The following CHCHD6 variants were observed in gnomAD, a reference collection of about 807,000 sequenced individuals.
The protein encoded by CHCHD6 is MICOS complex subunit MIC25.
A neutral mutation model predicts 32.3 loss-of-function variants in CHCHD6; 28 were observed. The ratio of observed to expected loss-of-function variants is 0.87; its 90% confidence interval spans 0.64 to 1.19. The LOEUF (loss-of-function observed/expected upper bound fraction) is 1.19. Ranked by LOEUF, CHCHD6 falls within the 50% of genes most tolerant of loss-of-function variation. The pLI is 0.00. For missense variants in CHCHD6, 333 were observed against 307.0 expected (o/e 1.08, Z -0.63); for synonymous variants, 122 against 117.5 (o/e 1.04, Z -0.25).
At chr3:126,851,794 G>T (rs1057279388) in intron 4 of CHCHD6, among the ~76,000 whole-genome samples, 1 of 152,218 alleles carries the variant, frequency 6.6e-6, no homozygotes, top group African/African-American at 2.4e-5. Flanking sequence ...GCCCACTTCT[G>T]TTGGGGTTTC....
At chr3:126,737,049 G>C (rs574645580) in intron 4 of CHCHD6, among the ~76,000 whole-genome samples, 2 of 152,010 alleles carry the variant, frequency 1.3e-5, no homozygotes, top group African/African-American at 4.8e-5. Context: ...GGCTGGGCGC[G>C]GTGGCTCACA....
chr3:126,903,928 A>G (rs1433075519), intron 5 of CHCHD6, among the ~76,000 whole-genome samples: 2 of 152,088 alleles, frequency 1.3e-5, no homozygotes, highest in African/African-American at 4.8e-5. Flanking sequence ...AGGGGATCCC[A>G]TCCTGGTCTG....
chr3:126,875,322 G>A (rs1461659917), intron 5 of CHCHD6, among the ~76,000 whole-genome samples: 3 of 152,244 alleles, frequency 2.0e-5, no homozygotes, highest in Non-Finnish European at 4.4e-5. Context: ...GCCACCACAG[G>A]CTATGCCAGG....
intron 4 of CHCHD6, among the ~76,000 whole-genome samples, chr3:126,755,324 C>T (rs1033050559): frequency 6.6e-6 from 1 of 152,270 alleles, no homozygotes; most frequent in African/African-American, 2.4e-5. Flanking sequence ...TAGGGCAGCC[C>T]AAGGCCCAGG....
chr3:126,759,510 T>G (rs1484451765), intron 4 of CHCHD6, among the ~76,000 whole-genome samples: 1 of 152,338 alleles, frequency 6.6e-6, no homozygotes, highest in South Asian at 2.1e-4. Flanking sequence ...TTTAATCTAG[T>G]AGAAGAGTTT....
At chr3:126,832,915 G>A (rs1470742581) in intron 4 of CHCHD6, among the ~76,000 whole-genome samples, 1 of 152,210 alleles carries the variant, frequency 6.6e-6, no homozygotes, top group Non-Finnish European at 1.5e-5. Context: ...AGGGTGGGGA[G>A]GACCTCACAT....
chr3:126,935,255 C>G (rs910675892), intron 6 of CHCHD6: 4 of 625,186 alleles, frequency 6.4e-6, no homozygotes, highest in Admixed American at 6.3e-5. Context: ...TGTGGTGTTC[C>G]CTTTTGAGAG....
chr3:126,761,019 G>A (rs1487330278), intron 4 of CHCHD6, among the ~76,000 whole-genome samples: 1 of 152,084 alleles, frequency 6.6e-6, no homozygotes, highest in African/African-American at 2.4e-5. Context: ...AATTTGTAGA[G>A]AGAGGATCTT....
In CHCHD6 at chr3:126,831,047, A is replaced by G. The variant is rs146640609; in HGVS notation, c.412-21600A>G. On this transcript the variant is annotated intron_variant, in intron 4 of 7. Coordinates refer to ENST00000290913, the MANE Select transcript of CHCHD6 (RefSeq NM_032343.3). ...AGTCTTCTTTTTTTTTTTTTGAGAC[A>G]TAGTCTCACTCTTTTGCTCAGGCTG... 1.2e-3 allele frequency among the ~76,000 whole-genome samples: 182 copies of G among 149,124 alleles called. 2 individuals carry two copies. In the East Asian group the frequency reaches 0.031, roughly 25 times the overall value.
At chr3:126,754,341 A>G (rs1294049167) in intron 4 of CHCHD6, among the ~76,000 whole-genome samples, 1 of 152,210 alleles carries the variant, frequency 6.6e-6, no homozygotes, top group Non-Finnish European at 1.5e-5. Context: ...TTCACCTGCC[A>G]TAGGTCCTAG....
intron 6 of CHCHD6, among the ~76,000 whole-genome samples, chr3:126,946,309 C>A (rs1212118715): frequency 6.6e-6 from 1 of 152,200 alleles, no homozygotes; most frequent in Non-Finnish European, 1.5e-5. Context: ...GGGTGCATCT[C>A]CTCTTAGGGA....
chr3:126,733,331 C>G, intron 4 of CHCHD6, 109 bp downstream of exon 4: 2 of 1,068,902 alleles, frequency 1.9e-6, no homozygotes, highest in Non-Finnish European at 2.7e-6. Context: ...GCTCAGGCTG[C>G]CCCTGGGATG....
At chr3:126,767,869 T>TA (rs1339605092) in intron 4 of CHCHD6, among the ~76,000 whole-genome samples, 1 of 152,176 alleles carries the variant, frequency 6.6e-6, no homozygotes, top group Admixed American at 6.5e-5. Context: ...GTTCCTGTGT[T>TA]AGTTTGCTTA....
intron 6 of CHCHD6, among the ~76,000 whole-genome samples, chr3:126,956,789 T>C (rs2107610546): frequency 6.6e-6 from 1 of 152,232 alleles, no homozygotes; most frequent in African/African-American, 2.4e-5. Flanking sequence ...AAGAAAAAAA[T>C]AGTAAATTAC....
intron 4 of CHCHD6, among the ~76,000 whole-genome samples, chr3:126,740,208 G>A (rs1936233813): frequency 6.6e-6 from 1 of 152,120 alleles, no homozygotes; most frequent in Non-Finnish European, 1.5e-5. Context: ...GGCCCTACTT[G>A]TCTGTGATTG....
At chr3:126,747,920 C>T (rs1471701341) in intron 4 of CHCHD6, among the ~76,000 whole-genome samples, 1 of 152,160 alleles carries the variant, frequency 6.6e-6, no homozygotes, top group Non-Finnish European at 1.5e-5. Flanking sequence ...ACCTCCTGGG[C>T]GTTACCCTCT....
intron 6 of CHCHD6, among the ~76,000 whole-genome samples, chr3:126,926,865 C>T (rs2078331713): frequency 6.6e-6 from 1 of 152,160 alleles, no homozygotes; most frequent in African/African-American, 2.4e-5. Context: ...CCAGGAATGA[C>T]TCACCCATTG....
At chr3:126,725,070 T>C (rs2107655899) in intron 1 of CHCHD6, among the ~76,000 whole-genome samples, 1 of 152,364 alleles carries the variant, frequency 6.6e-6, no homozygotes, top group South Asian at 2.1e-4. Flanking sequence ...TTCCCATGAA[T>C]CATGAATGTT....
chr3:126,710,962 T>C (rs1286005178), intron 1 of CHCHD6, among the ~76,000 whole-genome samples: 2 of 152,180 alleles, frequency 1.3e-5, no homozygotes, highest in East Asian at 3.8e-4. Context: ...CAATGCTAAA[T>C]AGAAGCTGTG....
Sources: allele counts gnomAD v4.1 joint callset (sites outside exome capture counted in the v4.1 genomes callset), GRCh38; gene constraint gnomAD v4.1.1; transcripts MANE v1.5; gene names NCBI Gene and HGNC (gene_info 2026-07-23, HGNC 2026-07-21).